The following MAGI1 variants were observed in gnomAD, a reference collection of about 807,000 sequenced individuals.
MAGI1 encodes membrane-associated guanylate kinase, WW and PDZ domain-containing protein 1.
In MAGI1, 58 loss-of-function variants were observed where a neutral mutation model predicts 139.9. The observed-to-expected ratio is 0.41, with a 90% CI of 0.34 to 0.52. MAGI1 has a LOEUF of 0.52. Among genes scored for constraint, MAGI1 ranks in the 20% least tolerant of loss-of-function variants. The probability of loss-of-function intolerance (pLI) is 0.12; values close to 1 mark genes in which losing one functional copy is unlikely to be tolerated. For missense variants in MAGI1, 1,874 were observed against 1,901.6 expected (o/e 0.99, Z 0.27); for synonymous variants, 812 against 737.9 (o/e 1.10, Z -1.63).
At chr3:65,781,022 C>T (rs964871005) in intron 1 of MAGI1, among the ~76,000 whole-genome samples, 3 of 152,004 alleles carry the variant, frequency 2.0e-5, no homozygotes, top group African/African-American at 7.2e-5. Flanking sequence ...ATAGTGAAAC[C>T]CCATCTCTAC....
intron 2 of MAGI1, among the ~76,000 whole-genome samples, chr3:65,503,409 G>A (rs1002901464): frequency 5.9e-5 from 9 of 152,176 alleles, no homozygotes; most frequent in Non-Finnish European, 1.2e-4. Flanking sequence ...GCACCATTTT[G>A]AATAATGGGG....
At chr3:65,763,662 CGCATAAGCA>C (rs2037222535) in intron 1 of MAGI1, among the ~76,000 whole-genome samples, 1 of 151,408 alleles carries the variant, frequency 6.6e-6, no homozygotes, top group African/African-American at 2.4e-5. Flanking sequence ...GATATCTGTG[CGCATAAGCA>C]TTTCCCTACA....
intron 18 of MAGI1, among the ~76,000 whole-genome samples, chr3:65,370,575 T>A (rs1454040374): frequency 2.6e-5 from 4 of 152,350 alleles, no homozygotes; most frequent in African/African-American, 9.6e-5. Context: ...CCAACTGTTA[T>A]TGGATAATCC....
At chr3:65,765,267 C>G (rs1207995047) in intron 1 of MAGI1, among the ~76,000 whole-genome samples, 2 of 152,148 alleles carry the variant, frequency 1.3e-5, no homozygotes, top group Non-Finnish European at 2.9e-5. Context: ...TGGGAATGAA[C>G]CTTTACCAAA....
intron 1 of MAGI1, among the ~76,000 whole-genome samples, chr3:65,950,106 A>C (rs5012810): frequency 0.71 from 59,704 of 83,590 alleles, 22,967 homozygotes; most frequent in East Asian, 0.92. Flanking sequence ...AAAAAAAAAA[A>C]CAGAACTAGC....
chr3:65,966,601 AG>A (rs2064753926), intron 1 of MAGI1, among the ~76,000 whole-genome samples: 1 of 138,832 alleles, frequency 7.2e-6, no homozygotes, highest in Non-Finnish European at 1.6e-5. Flanking sequence ...ATAGGTGGGC[AG>A]GGGTAGGGGG....
At chr3:65,938,186 G>C (rs17382496) in intron 1 of MAGI1, among the ~76,000 whole-genome samples, 8,823 of 151,782 alleles carry the variant, frequency 0.058, 369 homozygotes, top group Middle Eastern at 0.1. Flanking sequence ...AATTAGGTCA[G>C]TGGATAGGAA....
chr3:65,897,677 A>G (rs540490114), intron 1 of MAGI1, among the ~76,000 whole-genome samples: 10 of 151,920 alleles, frequency 6.6e-5, no homozygotes, highest in Admixed American at 6.6e-5. Context: ...AACAACAACA[A>G]AAAAGAACCT....
chr3:65,937,370 C>CA (rs1380488004), intron 1 of MAGI1, among the ~76,000 whole-genome samples: 1 of 152,160 alleles, frequency 6.6e-6, no homozygotes, highest in African/African-American at 2.4e-5. Context: ...TGGCCGTGCT[C>CA]AGTGTTCAGC....
At chr3:65,711,162 T>C (rs2031356351) in intron 1 of MAGI1, among the ~76,000 whole-genome samples, 1 of 152,210 alleles carries the variant, frequency 6.6e-6, no homozygotes, top group African/African-American at 2.4e-5. Flanking sequence ...TTTTTGTGGA[T>C]GATGCTATGA....
intron 2 of MAGI1, among the ~76,000 whole-genome samples, chr3:65,545,018 C>T (rs967582953): frequency 2.6e-5 from 4 of 152,032 alleles, no homozygotes; most frequent in South Asian, 2.1e-4. Context: ...TGGAAAGGGG[C>T]GGGCTGCAAC....
chr3:65,466,613 C>T (rs1950190689), intron 5 of MAGI1, among the ~76,000 whole-genome samples: 1 of 152,108 alleles, frequency 6.6e-6, no homozygotes, highest in African/African-American at 2.4e-5. Flanking sequence ...GGGCTCTTCA[C>T]CATTGGATGG....
chr3:65,602,275 T>A (rs760321061), intron 2 of MAGI1, among the ~76,000 whole-genome samples: 1 of 152,156 alleles, frequency 6.6e-6, no homozygotes, highest in Non-Finnish European at 1.5e-5. Flanking sequence ...GCATTATTAC[T>A]CATAATAGCC....
At chr3:65,480,777 G>C (rs940365496) in intron 3 of MAGI1, among the ~76,000 whole-genome samples, 5 of 151,674 alleles carry the variant, frequency 3.3e-5, no homozygotes, top group African/African-American at 1.2e-4. Flanking sequence ...TAGTAGAGAC[G>C]GGATTTCACC....
chr3:65,465,733 T>A (rs1365106478), intron 5 of MAGI1, among the ~76,000 whole-genome samples: 1 of 152,222 alleles, frequency 6.6e-6, no homozygotes, highest in Non-Finnish European at 1.5e-5. Flanking sequence ...TTCAGCCAGC[T>A]TATTGAATCT....
chr3:65,369,170 G>T (rs1386045759), intron 18 of MAGI1, among the ~76,000 whole-genome samples: 2 of 152,152 alleles, frequency 1.3e-5, no homozygotes, highest in Non-Finnish European at 2.9e-5. Context: ...TCAAAGCAAT[G>T]AAGGTAAGGA....
In MAGI1 at chr3:65,883,213, T is replaced by C. The variant is rs1057324415; in HGVS notation, c.313+154783A>G. Among the ~76,000 whole-genome samples, 6 of 152,124 alleles carry C rather than the reference T, an allele frequency of 3.9e-5. No homozygotes were observed. The South Asian group carries it at 1.2e-3, about 32-fold the overall frequency. On this transcript the variant is annotated intron_variant, in intron 1 of 22. Transcript: ENST00000402939. ...ATATGTTCGAAATGAGCCCAAAATA[T>C]TAGCAAATGGCATAAAAAAGGATTC... is the stretch of plus-strand genomic sequence containing the variant.
At chr3:65,455,240 C>T in intron 5 of MAGI1, among the ~76,000 whole-genome samples, 1 of 152,178 alleles carries the variant, frequency 6.6e-6, no homozygotes, top group African/African-American at 2.4e-5. Flanking sequence ...ACCGTGACAA[C>T]TAGGATACTG....
At chr3:65,647,646 A>C (rs2107287205) in intron 1 of MAGI1, among the ~76,000 whole-genome samples, 1 of 152,330 alleles carries the variant, frequency 6.6e-6, no homozygotes, top group East Asian at 1.9e-4. Flanking sequence ...ATGTTAACGA[A>C]GAGAAACCAC....
Sources: allele counts gnomAD v4.1 joint callset (sites outside exome capture counted in the v4.1 genomes callset), GRCh38; gene constraint gnomAD v4.1.1; transcripts MANE v1.5; gene names NCBI Gene and HGNC (gene_info 2026-07-23, HGNC 2026-07-21).